The following WDFY4 variants were observed in gnomAD, a reference collection of about 807,000 sequenced individuals.
WDFY4 encodes the protein WDFY family member 4.
Under a neutral mutation model 351.9 loss-of-function variants are expected in WDFY4, and 169 were observed. That is an observed-to-expected ratio of 0.48 (90% CI 0.42 to 0.55). The LOEUF (loss-of-function observed/expected upper bound fraction) is 0.55. WDFY4 is among the 20% of genes least tolerant of loss of function. The probability of loss-of-function intolerance (pLI) is 0.00; values close to 1 mark genes in which losing one functional copy is unlikely to be tolerated. For synonymous variants in WDFY4, 1,622 were observed against 1,574.6 expected (o/e 1.03, Z -0.71); for missense variants, 3,803 against 3,935.6 (o/e 0.97, Z 0.90).
rs199533188 is a variant in WDFY4 at position 48,771,589 on chromosome 10, CT to C, written c.2554-2867del. ...TTGGCCCTCACAGTAGATGCCAGGC[CT>C]TGAGTCCCTTCTAACTTCAAGAGCC... On this transcript the variant is annotated intron_variant, in intron 13 of 61. Coordinates refer to ENST00000325239, the MANE Select transcript of WDFY4 (RefSeq NM_001394531.1). Among the ~76,000 whole-genome samples, 1,395 of 152,322 alleles carry C rather than the reference CT, an allele frequency of 9.2e-3. 12 individuals carry two copies. Among genetic ancestry groups the C allele is most frequent in the African/African-American group, 0.031 (1,301 of 41,544 alleles).
At chr10:48,874,332 G>A (rs1196995332) in intron 41 of WDFY4, among the ~76,000 whole-genome samples, 1 of 152,174 alleles carries the variant, frequency 6.6e-6, no homozygotes, top group Non-Finnish European at 1.5e-5. Context: ...TCATTTGGTA[G>A]TAGATATAGG....
intron 47 of WDFY4, among the ~76,000 whole-genome samples, chr10:48,914,866 CA>C (rs1409236397): frequency 1.3e-5 from 2 of 152,222 alleles, no homozygotes; most frequent in Non-Finnish European, 2.9e-5. Context: ...CATGAGCACA[CA>C]GGGGGATGGG....
At chr10:48,818,051 G>A (rs1052150161) in intron 32 of WDFY4, among the ~76,000 whole-genome samples, 4 of 152,222 alleles carry the variant, frequency 2.6e-5, no homozygotes, top group African/African-American at 9.6e-5. Context: ...ACTCAGGTAG[G>A]CTAAGACCTC....
At chr10:48,731,688 G>T (rs889026001) in intron 9 of WDFY4, 126 bp downstream of exon 9, 91 of 1,149,708 alleles carry the variant, frequency 7.9e-5, no homozygotes, top group Non-Finnish European at 8.1e-5. Flanking sequence ...GGGAAGGTAT[G>T]CTTGGGACAC....
rs151074838 is a variant in WDFY4, at chr10:48,754,230, G to GTT, written c.2460-6103_2460-6102dup. Among the ~76,000 whole-genome samples the GTT allele has an allele frequency of 9.8e-4, 138 of 140,976 alleles. 1 individual carries two copies. The highest frequency in any genetic ancestry group is 3.7e-3 in the Middle Eastern group (1 of 270). 92.5% of individuals were successfully genotyped at this position (140,976 alleles called of 152,430 possible). On this transcript the variant is annotated intron_variant, in intron 12 of 61. Coordinates refer to ENST00000325239, the MANE Select transcript of WDFY4 (RefSeq NM_001394531.1). ...ACATTGATCCCTTGGATATTGGTAG[G>GTT]TTTTTTTTTTTTTTTCTGTATTGTC...
At chr10:48,787,148 A>C (rs1355769380) in intron 20 of WDFY4, among the ~76,000 whole-genome samples, 1 of 152,224 alleles carries the variant, frequency 6.6e-6, no homozygotes, top group East Asian at 1.9e-4. Flanking sequence ...TGAGATAAAT[A>C]AGTTACATTG....
At chr10:48,756,682 T>A (rs1238615408) in intron 12 of WDFY4, among the ~76,000 whole-genome samples, 7 of 152,260 alleles carry the variant, frequency 4.6e-5, no homozygotes, top group African/African-American at 7.2e-5. Flanking sequence ...AGATTTTTAA[T>A]CTTTCAAATG....
chr10:48,722,471 T>C (rs1030379498), intron 4 of WDFY4, among the ~76,000 whole-genome samples: 9 of 152,204 alleles, frequency 5.9e-5, no homozygotes, highest in Non-Finnish European at 1.3e-4. Context: ...TACATTGCAC[T>C]GTAAACCTTT....
chr10:48,913,900 C>T, intron 47 of WDFY4: 1 of 1,614,140 alleles, frequency 6.2e-7, no homozygotes, highest in Non-Finnish European at 8.5e-7. Flanking sequence ...GGCAGCTTGT[C>T]TATGTAGTTG....
At chr10:48,839,849 C>G (rs2133112945) in intron 39 of WDFY4, among the ~76,000 whole-genome samples, 1 of 152,352 alleles carries the variant, frequency 6.6e-6, no homozygotes. Context: ...AAAGTATAAA[C>G]TGCTCTACTG....
intron 1 of WDFY4, among the ~76,000 whole-genome samples, chr10:48,695,180 AC>A (rs2132109171): frequency 6.6e-6 from 1 of 152,192 alleles, no homozygotes; most frequent in East Asian, 1.9e-4. Flanking sequence ...AGGCTAATGA[AC>A]CCTTATCCTT....
chr10:48,787,311 A>T (rs1483772643), intron 20 of WDFY4, among the ~76,000 whole-genome samples: 1 of 152,268 alleles, frequency 6.6e-6, no homozygotes. Context: ...GTCAGCTCCC[A>T]TCTGGAAAGA....
chr10:48,864,208 T>C (rs1191939157), intron 39 of WDFY4, among the ~76,000 whole-genome samples: 5 of 152,254 alleles, frequency 3.3e-5, no homozygotes, highest in African/African-American at 1.2e-4. Flanking sequence ...AAGAGTTTTA[T>C]AGTTTTAGCT....
chr10:48,710,037 G>A (rs1434249235), intron 2 of WDFY4, 71 bp downstream of exon 2: 5 of 1,368,992 alleles, frequency 3.7e-6, no homozygotes, highest in Middle Eastern at 1.8e-4. Context: ...ATTGCATAGT[G>A]AAGTTGATGG....
chr10:48,909,634 AGAGAG>A, intron 47 of WDFY4: 1 of 152,404 alleles, frequency 6.6e-6, no homozygotes, highest in Admixed American at 6.5e-5. Flanking sequence ...AGGAAGAGAG[AGAGAG>A]GAGAGGGAGG....
At chr10:48,710,085 C>T (rs1397216710) in intron 2 of WDFY4, 119 bp downstream of exon 2, 1 of 966,096 alleles carries the variant, frequency 1.0e-6, no homozygotes, top group Non-Finnish European at 1.5e-6. Flanking sequence ...ATTGGTTGCT[C>T]AGGGGAGTGT....
intron 54 of WDFY4, among the ~76,000 whole-genome samples, chr10:48,965,283 T>C (rs148036159): frequency 3.1e-4 from 47 of 152,236 alleles, no homozygotes; most frequent in African/African-American, 1.1e-3. Flanking sequence ...CAATGTGTCA[T>C]AGGTGCTTTC....
intron 13 of WDFY4, among the ~76,000 whole-genome samples, chr10:48,770,659 T>C (rs1356477626): frequency 1.3e-5 from 2 of 152,190 alleles, no homozygotes; most frequent in Non-Finnish European, 2.9e-5. Context: ...AAAAAAGGCC[T>C]TGGGAAGGGA....
At chr10:48,972,399 C>T (rs1842377226) in intron 57 of WDFY4, among the ~76,000 whole-genome samples, 1 of 152,152 alleles carries the variant, frequency 6.6e-6, no homozygotes, top group East Asian at 1.9e-4. Flanking sequence ...ATACTCTTAT[C>T]CCCAGATATA....
Sources: gnomAD v4.1 joint callset for allele counts (sites outside exome capture counted in the v4.1 genomes callset) on GRCh38, gnomAD v4.1.1 for gene constraint, MANE v1.5 for transcripts, NCBI Gene and HGNC (gene_info 2026-07-23, HGNC 2026-07-21) for gene names.